USP39: variants seen among roughly 807,000 people sequenced by gnomAD.
USP39 encodes the protein ubiquitin specific peptidase 39.
In USP39, 38 loss-of-function variants were observed where a neutral mutation model predicts 66.4. The observed-to-expected ratio is 0.57, with a 90% CI of 0.44 to 0.75. The LOEUF is 0.75. Ranked by LOEUF, USP39 falls within the 30% of genes least tolerant of loss-of-function variation. The probability of loss-of-function intolerance (pLI) is 0.00; values close to 1 mark genes in which losing one functional copy is unlikely to be tolerated. For synonymous variants in USP39, 303 were observed against 274.6 expected, an observed-to-expected ratio of 1.10 and a Z score of -1.02; for missense variants, 608 against 714.4, an observed-to-expected ratio of 0.85 and a Z score of 1.70.
chr2:85,627,486 G>A (rs1674962980), intron 5 of USP39, among the ~76,000 whole-genome samples: 1 of 151,664 alleles, frequency 6.6e-6, no homozygotes, highest in African/African-American at 2.4e-5. Context: ...GCTTATTGGG[G>A]AAAACATGTA....
chr2:85,627,412 A>G (rs1009763367), intron 5 of USP39, among the ~76,000 whole-genome samples: 11 of 151,710 alleles, frequency 7.3e-5, no homozygotes, highest in Admixed American at 7.2e-4. Context: ...AAATGTTGGT[A>G]AGTATAATAA....
chr2:85,619,141 C>G lies in USP39; in HGVS notation c.269-79C>G, dbSNP rs1573395091. On this transcript the variant is annotated intron_variant, in intron 1 of 12. Coordinates refer to ENST00000323701, the MANE Select transcript of USP39 (RefSeq NM_006590.4). ...TCATCTTGATTAGTTTTTCCCATTTCTGTTTCTTTTTTTGTTCTGTTAGTT... is the reference window on the plus strand; with the variant it reads ...TCATCTTGATTAGTTTTTCCCATTTGTGTTTCTTTTTTTGTTCTGTTAGTT... 4 of 1,497,188 alleles carry G rather than the reference C, an allele frequency of 2.7e-6. No individual in the cohort carries two copies. The South Asian group carries it at 4.7e-5, about 18-fold the overall frequency. The allele number at this position is 1,497,188 out of a possible 1,614,324, so 92.7% of individuals were successfully genotyped here.
At chr2:85,609,618 G>C (rs755385923), upstream of USP39, 9 of 1,610,330 alleles carry the variant, frequency 5.6e-6, no homozygotes, top group African/African-American at 4.0e-5. Flanking sequence ...AGAAAGAAGA[G>C]GGGGGGTGCT....
intron 11 of USP39, chr2:85,645,671 T>C (rs1676590035): frequency 6.6e-6 from 1 of 152,332 alleles, no homozygotes; most frequent in African/African-American, 2.4e-5. Context: ...GATGTTGGTA[T>C]ATATTTTACA....
chr2:85,632,808 G>A (rs1233351260), intron 6 of USP39, among the ~76,000 whole-genome samples: 1 of 152,098 alleles, frequency 6.6e-6, no homozygotes, highest in African/African-American at 2.4e-5. Flanking sequence ...TGGGAGGGGA[G>A]CATGGAGTAA....
At chr2:85,611,443 G>C, upstream of USP39, 1 of 1,529,492 alleles carries the variant, frequency 6.5e-7, no homozygotes, top group East Asian at 2.5e-5. Flanking sequence ...CTTCTTGCTG[G>C]CTCCCCGATA....
upstream of USP39, chr2:85,612,033 A>T: frequency 7.5e-7 from 1 of 1,331,582 alleles, no homozygotes; most frequent in Non-Finnish European, 1.0e-6. Context: ...CCCCAACAAC[A>T]GCCACCCGCC....
At chr2:85,626,246 C>T (rs138698916) in intron 5 of USP39, among the ~76,000 whole-genome samples, 2,438 of 152,180 alleles carry the variant, frequency 0.016, 60 homozygotes, top group African/African-American at 0.056. Context: ...GTAATCTCAG[C>T]TATTCGGGAG....
chr2:85,644,488 A>G (rs760960150), intron 10 of USP39, among the ~76,000 whole-genome samples: 9 of 151,954 alleles, frequency 5.9e-5, no homozygotes, highest in Non-Finnish European at 1.2e-4. Context: ...CTGGAGTGCA[A>G]TAGTGTGGTC....
At chr2:85,645,267 A>AG in intron 11 of USP39, 184 bp downstream of exon 11, 2 of 609,590 alleles carry the variant, frequency 3.3e-6, no homozygotes, top group South Asian at 5.1e-5. Context: ...CATTGGACTC[A>AG]CCTTGGGAGC....
At chr2:85,637,318 G>C in intron 7 of USP39, 51 bp from the exon 8 acceptor site, 1 of 1,590,002 alleles carries the variant, frequency 6.3e-7, no homozygotes, top group Non-Finnish European at 8.6e-7. Context: ...ATATACTTCA[G>C]ACATGTTTTC....
At chr2:85,609,346 G>A, upstream of USP39, 1 of 1,524,656 alleles carries the variant, frequency 6.6e-7, no homozygotes. Flanking sequence ...TCCCATTGGG[G>A]GTCCTGAGGA....
intron 3 of USP39, among the ~76,000 whole-genome samples, chr2:85,622,213 C>G (rs536856451): frequency 6.6e-6 from 1 of 151,934 alleles, no homozygotes; most frequent in South Asian, 2.1e-4. Flanking sequence ...CTCTTGACTC[C>G]CAGGTTCAAG....
chr2:85,636,379 C>G (rs1008125581), intron 7 of USP39, among the ~76,000 whole-genome samples: 4 of 152,164 alleles, frequency 2.6e-5, no homozygotes, highest in African/African-American at 9.6e-5. Flanking sequence ...GAGGCAACTT[C>G]CCATTCTTTT....
At chr2:85,621,445 A>T (rs749786880) in intron 2 of USP39, 40 bp from the exon 3 acceptor site, 1 of 1,584,408 alleles carries the variant, frequency 6.3e-7, no homozygotes, top group Admixed American at 1.7e-5. Context: ...GCCTTCCTAC[A>T]TGTCCATCCT....
intron 12 of USP39, 103 bp downstream of exon 12, chr2:85,648,119 G>A (rs1409443862): frequency 5.8e-6 from 7 of 1,212,848 alleles, no homozygotes; most frequent in Non-Finnish European, 1.2e-6. Flanking sequence ...GACCTTGGTT[G>A]GAGGGCCAGG....
chr2:85,632,519 C>T (rs1231258972), intron 6 of USP39, among the ~76,000 whole-genome samples: 2 of 146,100 alleles, frequency 1.4e-5, no homozygotes, highest in African/African-American at 5.1e-5. Context: ...GTGATCTCGG[C>T]TCGCTGCAAC....
chr2:85,608,020 G>C (rs1055005137), upstream of USP39: 1 of 152,170 alleles, frequency 6.6e-6, no homozygotes, highest in African/African-American at 2.4e-5. Flanking sequence ...CTTTCCCTTT[G>C]TAGGTATGTT....
chr2:85,611,825 G>A (rs967651714), upstream of USP39: 14 of 1,607,028 alleles, frequency 8.7e-6, no homozygotes, highest in South Asian at 2.2e-5. Context: ...CTGTCGGGCC[G>A]GGCCAGGCCA....
Sources: gnomAD v4.1 joint callset for allele counts (sites outside exome capture counted in the v4.1 genomes callset) on GRCh38, gnomAD v4.1.1 for gene constraint, MANE v1.5 for transcripts, NCBI Gene and HGNC (gene_info 2026-07-23, HGNC 2026-07-21) for gene names.